The following LRRTM4 variants were observed in gnomAD, a reference collection of about 807,000 sequenced individuals.
LRRTM4 encodes the protein leucine-rich repeat transmembrane neuronal protein 4.
LRRTM4 carries 25 observed loss-of-function variants against 47.6 expected under a neutral mutation model. That is an observed-to-expected ratio of 0.53 (90% CI 0.38 to 0.73). The LOEUF (loss-of-function observed/expected upper bound fraction) is 0.73. Among genes scored for constraint, LRRTM4 ranks in the 30% least tolerant of loss-of-function variants. LRRTM4 has a pLI of 0.00. For missense variants in LRRTM4, 638 were observed against 713.4 expected, an observed-to-expected ratio of 0.89 and a Z score of 1.20; for synonymous variants, 311 against 269.5, an observed-to-expected ratio of 1.15 and a Z score of -1.51.
intron 3 of LRRTM4, among the ~76,000 whole-genome samples, chr2:77,287,093 G>A (rs1573197629): frequency 6.6e-6 from 1 of 151,990 alleles, no homozygotes; most frequent in Admixed American, 6.6e-5. Context: ...GCCAAAAGAA[G>A]GACCTCTGTA....
At chr2:77,121,009 C>G (rs981385684) in intron 3 of LRRTM4, among the ~76,000 whole-genome samples, 1 of 151,646 alleles carries the variant, frequency 6.6e-6, no homozygotes, top group Non-Finnish European at 1.5e-5. Flanking sequence ...TATCTGTGTA[C>G]GGGCTATGTG....
At chr2:77,304,945 C>G (rs560366367) in intron 3 of LRRTM4, among the ~76,000 whole-genome samples, 84 of 151,890 alleles carry the variant, frequency 5.5e-4, no homozygotes, top group African/African-American at 2.0e-3. Flanking sequence ...ATTTAAGGTC[C>G]CTTTATAATA....
chr2:77,245,662 A>C (rs1448247880), intron 3 of LRRTM4, among the ~76,000 whole-genome samples: 2 of 151,940 alleles, frequency 1.3e-5, no homozygotes, highest in African/African-American at 4.8e-5. Flanking sequence ...ACATGAAGCA[A>C]CTTGCATTTT....
At chr2:76,977,700 A>C (rs1284505137) in intron 3 of LRRTM4, among the ~76,000 whole-genome samples, 1 of 152,022 alleles carries the variant, frequency 6.6e-6, no homozygotes, top group Non-Finnish European at 1.5e-5. Flanking sequence ...TATACTAGGA[A>C]AATGTGACAT....
At chr2:77,111,642 T>C (rs536581525) in intron 3 of LRRTM4, among the ~76,000 whole-genome samples, 1 of 152,250 alleles carries the variant, frequency 6.6e-6, no homozygotes, top group South Asian at 2.1e-4. Context: ...AGGGTCTCCA[T>C]GGTGTCTATG....
At chr2:77,494,757 C>T (rs1406259634) in intron 3 of LRRTM4, among the ~76,000 whole-genome samples, 1 of 152,062 alleles carries the variant, frequency 6.6e-6, no homozygotes, top group East Asian at 1.9e-4. Context: ...AGAATGTTTT[C>T]ACCACTCACA....
intron 3 of LRRTM4, among the ~76,000 whole-genome samples, chr2:76,906,141 T>A (rs527748555): frequency 3.3e-5 from 5 of 152,272 alleles, no homozygotes; most frequent in African/African-American, 9.6e-5. Flanking sequence ...GACTAACAGC[T>A]GATCTCTCAG....
intron 3 of LRRTM4, among the ~76,000 whole-genome samples, chr2:77,496,963 TTA>T (rs1678387361): frequency 6.6e-6 from 1 of 151,834 alleles, no homozygotes; most frequent in Non-Finnish European, 1.5e-5. Context: ...AAGTACACAC[TTA>T]ATTTTTAAAA....
intron 3 of LRRTM4, among the ~76,000 whole-genome samples, chr2:77,218,913 C>T (rs1298850170): frequency 6.6e-6 from 1 of 152,020 alleles, no homozygotes; most frequent in Non-Finnish European, 1.5e-5. Flanking sequence ...CCTCAAGGGG[C>T]TCAAAGTAAA....
intron 3 of LRRTM4, among the ~76,000 whole-genome samples, chr2:76,767,801 AT>A (rs762976322): frequency 5.3e-5 from 8 of 151,554 alleles, no homozygotes; most frequent in Non-Finnish European, 1.2e-4. Flanking sequence ...ACTCTTGCCT[AT>A]TTTTGCAAAA....
chr2:76,881,129 A>G (rs1364770169), intron 3 of LRRTM4, among the ~76,000 whole-genome samples: 1 of 152,182 alleles, frequency 6.6e-6, no homozygotes, highest in Non-Finnish European at 1.5e-5. Flanking sequence ...ATTTGAGATT[A>G]TGGATATGCT....
At chr2:77,107,588 G>A (rs1349164361) in intron 3 of LRRTM4, among the ~76,000 whole-genome samples, 2 of 152,162 alleles carry the variant, frequency 1.3e-5, no homozygotes, top group Non-Finnish European at 2.9e-5. Flanking sequence ...GGAGGCCGAG[G>A]TGGGTGGATC....
At chr2:76,974,151 CATACAT>C (rs1676317687) in intron 3 of LRRTM4, among the ~76,000 whole-genome samples, 10 of 133,744 alleles carry the variant, frequency 7.5e-5, no homozygotes, top group African/African-American at 2.7e-4. Context: ...CATATATATA[CATACAT>C]ATATATATAT....
At chr2:77,079,731 ATTAG>A (rs1680469497) in intron 3 of LRRTM4, among the ~76,000 whole-genome samples, 2 of 152,168 alleles carry the variant, frequency 1.3e-5, no homozygotes, top group Admixed American at 1.3e-4. Context: ...CTTGATAATT[ATTAG>A]TTAAAAGTTA....
In LRRTM4 at chr2:77,441,730, C is replaced by G. The variant is rs75670570; in HGVS notation, c.1551+76588G>C. 2.9e-3 allele frequency among the ~76,000 whole-genome samples: 435 copies of G among 152,124 alleles called. 1 individual carries two copies. Among genetic ancestry groups the G allele is most frequent in the African/African-American group, 0.01 (420 of 41,536 alleles). Reference sequence around the variant, plus strand: ...ACCATAAAAGCATGTTTTTTTCTATCTTATAGTTGTAGTCAACCCAAAGAG... The same window carrying G: ...ACCATAAAAGCATGTTTTTTTCTATGTTATAGTTGTAGTCAACCCAAAGAG... On this transcript the variant is annotated intron_variant, in intron 3 of 3. Coordinates refer to ENST00000409884, the MANE Select transcript of LRRTM4 (RefSeq NM_001134745.3).
intron 3 of LRRTM4, among the ~76,000 whole-genome samples, chr2:77,474,361 T>A (rs1250007162): frequency 6.6e-6 from 1 of 152,064 alleles, no homozygotes; most frequent in East Asian, 1.9e-4. Flanking sequence ...CCATTTTTTT[T>A]TCCTTTGTTG....
intron 3 of LRRTM4, among the ~76,000 whole-genome samples, chr2:77,151,649 T>C (rs1672434221): frequency 6.6e-6 from 1 of 152,162 alleles, no homozygotes; most frequent in Non-Finnish European, 1.5e-5. Context: ...ACAGAGAACA[T>C]TAAACTAAAT....
intron 3 of LRRTM4, among the ~76,000 whole-genome samples, chr2:76,930,261 T>G (rs1330254827): frequency 6.6e-6 from 1 of 152,136 alleles, no homozygotes; most frequent in Admixed American, 6.5e-5. Flanking sequence ...CTTTGGCCTC[T>G]GGGCCTCCAA....
At chr2:76,877,894 C>T (rs868656964) in intron 3 of LRRTM4, among the ~76,000 whole-genome samples, 11 of 149,040 alleles carry the variant, frequency 7.4e-5, no homozygotes, top group South Asian at 2.1e-4. Context: ...AAAGAGAGAA[C>T]GAAAAAATAA....
Sources: gnomAD v4.1 joint callset for allele counts (sites outside exome capture counted in the v4.1 genomes callset) on GRCh38, gnomAD v4.1.1 for gene constraint, MANE v1.5 for transcripts, NCBI Gene and HGNC (gene_info 2026-07-23, HGNC 2026-07-21) for gene names.